The following UBE2W variants were observed in gnomAD, a reference collection of about 807,000 sequenced individuals.
UBE2W encodes ubiquitin-conjugating enzyme E2 W.
Under a neutral mutation model 27.2 loss-of-function variants are expected in UBE2W, and 18 were observed. The observed-to-expected ratio is 0.66, with a 90% CI of 0.46 to 0.98. The LOEUF (loss-of-function observed/expected upper bound fraction) is 0.98, where lower values mean the gene tolerates loss of function less well. UBE2W is among the 50% of genes least tolerant of loss of function. The probability of loss-of-function intolerance (pLI) is 0.00; values close to 1 mark genes in which losing one functional copy is unlikely to be tolerated. For missense variants in UBE2W, 90 were observed against 180.2 expected, an observed-to-expected ratio of 0.50 and a Z score of 2.87; for synonymous variants, 53 against 57.2, an observed-to-expected ratio of 0.93 and a Z score of 0.33.
chr8:73,806,284 G>C (rs1808903013), intron 4 of UBE2W, among the ~76,000 whole-genome samples: 1 of 152,102 alleles, frequency 6.6e-6, no homozygotes, highest in African/African-American at 2.4e-5. Context: ...TCAGGTACTT[G>C]GAAGGCTGAA....
At position 73,794,118 on chromosome 8, in the gene UBE2W, T is replaced by C. The variant is rs1445008161; in HGVS notation, c.443-3A>G. 6.2e-7 allele frequency: 1 copy of C among 1,604,064 alleles called. No individual in the cohort carries two copies. The highest frequency in any genetic ancestry group is 8.5e-7 in the Non-Finnish European group (1 of 1,173,468). On this transcript the variant is annotated splice_region_variant and splice_polypyrimidine_tract_variant and intron_variant, in intron 5 of 5. Transcript: ENST00000602593. ...ACAGTGGCATCAACAAGTATCATCT[T>C]TAAGAAAAGGAGAAAAAAGATAATT... is the stretch of plus-strand genomic sequence containing the variant.
intron 4 of UBE2W, among the ~76,000 whole-genome samples, chr8:73,781,096 C>T (rs1337151248): frequency 6.6e-6 from 1 of 151,192 alleles, no homozygotes; most frequent in Non-Finnish European, 1.5e-5. Context: ...ATGGTGAAAC[C>T]CTGTCTCTAC....
At chr8:73,799,144 C>A (rs1302184533) in intron 5 of UBE2W, among the ~76,000 whole-genome samples, 4 of 151,976 alleles carry the variant, frequency 2.6e-5, no homozygotes, top group Non-Finnish European at 5.9e-5. Flanking sequence ...CAGTCACTAT[C>A]AATACAACTT....
At chr8:73,800,458 A>G (rs1387554392) in intron 5 of UBE2W, among the ~76,000 whole-genome samples, 1 of 152,190 alleles carries the variant, frequency 6.6e-6, no homozygotes, top group Non-Finnish European at 1.5e-5. Context: ...TGAAAAAAAA[A>G]AATTTATGTA....
chr8:73,841,056 G>A (rs550366915), intron 1 of UBE2W, among the ~76,000 whole-genome samples: 4 of 152,258 alleles, frequency 2.6e-5, no homozygotes, highest in African/African-American at 9.6e-5. Flanking sequence ...TAATACAACT[G>A]TATATAAAAT....
chr8:73,791,253 C>T lies in UBE2W; in HGVS notation c.*2849G>A. 2.0e-6 allele frequency: 2 copies of T among 980,530 alleles called. No homozygotes were observed. Among genetic ancestry groups the T allele is most frequent in the Non-Finnish European group, 1.2e-6 (1 of 829,162 alleles). The allele number at this position is 980,530 out of a possible 1,614,324, so 60.7% of individuals were successfully genotyped here. A position where few individuals can be genotyped will look rare whatever the true frequency, so the allele number is the denominator to read the frequency against. ...TCTCTCTAAACCTATGGCATTAATC[C>T]CTACTTGACCAAAGAAAAAAAAAAA... On this transcript the variant is annotated 3_prime_UTR_variant, in exon 6 of 6. Coordinates refer to ENST00000602593, the MANE Select transcript of UBE2W (RefSeq NM_018299.6).
intron 1 of UBE2W, among the ~76,000 whole-genome samples, chr8:73,847,455 T>C (rs1563616305): frequency 2.6e-5 from 4 of 152,140 alleles, no homozygotes; most frequent in Admixed American, 2.0e-4. Context: ...AACTTGGATA[T>C]AGAAATATGC....
chr8:73,872,262 G>A (rs992631453), intron 1 of UBE2W, among the ~76,000 whole-genome samples: 1 of 152,070 alleles, frequency 6.6e-6, no homozygotes, highest in African/African-American at 2.4e-5. Flanking sequence ...GTAAATATTT[G>A]TCCATTACTT....
In UBE2W at chr8:73,789,960, C is replaced by T. The variant is rs1808125219; in HGVS notation, c.*4142G>A. On this transcript the variant is annotated 3_prime_UTR_variant, in exon 6 of 6. Transcript: ENST00000602593. ...AATTTGGCTTTGGGAGAGTCCTCATCCGAAAATAACAAAATTTCCTTAATA... is the reference window on the plus strand; with the variant it reads ...AATTTGGCTTTGGGAGAGTCCTCATTCGAAAATAACAAAATTTCCTTAATA... 4 of 984,264 alleles carry T rather than the reference C, an allele frequency of 4.1e-6. No individual in the cohort carries two copies. Among genetic ancestry groups the T allele is most frequent in the Non-Finnish European group, 4.8e-6 (4 of 829,104 alleles). The allele number at this position is 984,264 out of a possible 1,614,324, so 61.0% of individuals were successfully genotyped here.
At chr8:73,797,005 C>A (rs1374952464) in intron 5 of UBE2W, among the ~76,000 whole-genome samples, 1 of 152,118 alleles carries the variant, frequency 6.6e-6, no homozygotes, top group Admixed American at 6.5e-5. Flanking sequence ...GCATTTGTAA[C>A]AAGATAATGG....
At chr8:73,821,422 G>A (rs1809605184) in intron 3 of UBE2W, among the ~76,000 whole-genome samples, 1 of 151,686 alleles carries the variant, frequency 6.6e-6, no homozygotes, top group Admixed American at 6.6e-5. Flanking sequence ...TGAATGCCAG[G>A]CTAAAAACTT....
chr8:73,818,099 C>G (rs1809467327), intron 3 of UBE2W, among the ~76,000 whole-genome samples: 1 of 152,142 alleles, frequency 6.6e-6, no homozygotes, highest in South Asian at 2.1e-4. Context: ...TTTCTTTGCC[C>G]CCTTAGAATA....
chr8:73,869,018 C>A (rs1586550228), intron 1 of UBE2W, among the ~76,000 whole-genome samples: 1 of 152,200 alleles, frequency 6.6e-6, no homozygotes. Context: ...ACACAAATAT[C>A]TGATATTTAA....
chr8:73,850,034 G>C (rs1299195), intron 1 of UBE2W, among the ~76,000 whole-genome samples: 1 of 152,054 alleles, frequency 6.6e-6, no homozygotes, highest in Non-Finnish European at 1.5e-5. Flanking sequence ...CTTCATAGAA[G>C]ATTTTAGTAA....
At chr8:73,797,222 A>C (rs1808458438) in intron 5 of UBE2W, among the ~76,000 whole-genome samples, 1 of 152,198 alleles carries the variant, frequency 6.6e-6, no homozygotes, top group Non-Finnish European at 1.5e-5. Context: ...CCTGAGAATA[A>C]AAACTATCAT....
intron 3 of UBE2W, among the ~76,000 whole-genome samples, chr8:73,817,918 T>C (rs1809459823): frequency 6.6e-6 from 1 of 152,132 alleles, no homozygotes; most frequent in Admixed American, 6.5e-5. Flanking sequence ...AGCCCCAAAA[T>C]AACCTTCCAC....
intron 1 of UBE2W, among the ~76,000 whole-genome samples, chr8:73,864,603 G>A (rs969382713): frequency 3.9e-5 from 6 of 151,912 alleles, no homozygotes; most frequent in Non-Finnish European, 5.9e-5. Context: ...ACAGAGTCTC[G>A]CTCTATGGCC....
At chr8:73,805,203 CAG>C (rs897238508) in intron 5 of UBE2W, among the ~76,000 whole-genome samples, 1 of 150,498 alleles carries the variant, frequency 6.6e-6, no homozygotes, top group Non-Finnish European at 1.5e-5. Flanking sequence ...CCTGTAATCC[CAG>C]AACTTTGGGA....
At chr8:73,809,038 A>C (rs1312509663) in intron 4 of UBE2W, among the ~76,000 whole-genome samples, 1 of 152,178 alleles carries the variant, frequency 6.6e-6, no homozygotes, top group African/African-American at 2.4e-5. Context: ...TTACCGTCTC[A>C]CCTTTCTATA....
Sources: gnomAD v4.1 joint callset for allele counts (sites outside exome capture counted in the v4.1 genomes callset) on GRCh38, gnomAD v4.1.1 for gene constraint, MANE v1.5 for transcripts, NCBI Gene and HGNC (gene_info 2026-07-23, HGNC 2026-07-21) for gene names.